Variants in NR2C2 observed in about 807,000 individuals in gnomAD.
The protein encoded by NR2C2 is nuclear receptor subfamily 2 group C member 2, also known as Nuclear hormone receptor TR4.
NR2C2 carries 6 observed loss-of-function variants against 62.9 expected under a neutral mutation model. That is an observed-to-expected ratio of 0.10 (90% CI 0.05 to 0.19). NR2C2 has a LOEUF of 0.19. Ranked by LOEUF, NR2C2 falls within the 10% of genes least tolerant of loss-of-function variation. NR2C2 has a pLI of 1.00. For synonymous variants in NR2C2, 272 were observed against 273.8 expected (o/e 0.99, Z 0.07); for missense variants, 479 against 762.7 (o/e 0.63, Z 4.38).
chr3:15,039,273 T>C (rs764600784), intron 13 of NR2C2, 46 bp downstream of exon 13: 17 of 1,280,746 alleles, frequency 1.3e-5, no homozygotes, highest in Non-Finnish European at 1.1e-6. Context: ...CTGCAAGGAG[T>C]GTGGCTGAGT....
At chr3:14,966,316 A>G (rs544829627) in intron 1 of NR2C2, among the ~76,000 whole-genome samples, 31 of 152,248 alleles carry the variant, frequency 2.0e-4, no homozygotes, top group Non-Finnish European at 4.1e-4. Context: ...GATAGGCTAC[A>G]CTAGTTGAAT....
At chr3:15,041,851 T>C (rs563004026) in intron 13 of NR2C2, among the ~76,000 whole-genome samples, 1 of 152,260 alleles carries the variant, frequency 6.6e-6, no homozygotes, top group African/African-American at 2.4e-5. Flanking sequence ...AGCAAGACAC[T>C]ATCTCAAAAA....
chr3:14,981,825 T>C (rs1398641375), intron 1 of NR2C2, among the ~76,000 whole-genome samples: 1 of 151,902 alleles, frequency 6.6e-6, no homozygotes, highest in African/African-American at 2.4e-5. Flanking sequence ...AAACTTGGAG[T>C]TCGATGTTCG....
At chr3:14,989,262 T>C (rs1266254464) in intron 1 of NR2C2, among the ~76,000 whole-genome samples, 2 of 152,188 alleles carry the variant, frequency 1.3e-5, no homozygotes, top group Admixed American at 6.5e-5. Context: ...GAAGTCATTC[T>C]GTGGACCTAT....
intron 1 of NR2C2, among the ~76,000 whole-genome samples, chr3:14,983,983 G>T (rs113587926): frequency 7.7e-4 from 117 of 152,238 alleles, no homozygotes; most frequent in Non-Finnish European, 9.3e-4. Context: ...CCACCTCCCG[G>T]GTTCAAGCAG....
chr3:15,024,829 C>T (rs771520951), intron 7 of NR2C2, among the ~76,000 whole-genome samples: 11 of 152,230 alleles, frequency 7.2e-5, no homozygotes, highest in Non-Finnish European at 1.3e-4. Flanking sequence ...AGCCACAACT[C>T]TAAGAGGGTG....
intron 9 of NR2C2, among the ~76,000 whole-genome samples, chr3:15,030,684 C>T (rs1028800185): frequency 2.6e-5 from 4 of 152,014 alleles, no homozygotes; most frequent in African/African-American, 9.7e-5. Context: ...AAAAATTAGT[C>T]GGGCATGGAG....
At chr3:15,022,972 G>A (rs1454799894) in intron 5 of NR2C2, among the ~76,000 whole-genome samples, 1 of 152,136 alleles carries the variant, frequency 6.6e-6, no homozygotes, top group Non-Finnish European at 1.5e-5. Context: ...GTTTTTTTTA[G>A]CAGGGAATAC....
At chr3:15,012,656 GTCT>G (rs1195798014) in intron 2 of NR2C2, among the ~76,000 whole-genome samples, 4 of 152,324 alleles carry the variant, frequency 2.6e-5, no homozygotes, top group African/African-American at 9.6e-5. Context: ...CAGCTCAAGA[GTCT>G]TCTTTGCAGT....
chr3:14,960,167 TAAAAG>T, intron 1 of NR2C2, among the ~76,000 whole-genome samples: 1 of 152,270 alleles, frequency 6.6e-6, no homozygotes, highest in African/African-American at 2.4e-5. Context: ...GTACAAACTG[TAAAAG>T]AAAATAGGGA....
At chr3:15,029,820 G>GATAT (rs2041924192) in intron 8 of NR2C2, among the ~76,000 whole-genome samples, 1 of 125,718 alleles carries the variant, frequency 8.0e-6, no homozygotes, top group Non-Finnish European at 1.7e-5. Flanking sequence ...TAGATAGATA[G>GATAT]ATAGATAGAT....
chr3:15,027,630 CTCTG>C (rs1477673896), intron 7 of NR2C2, among the ~76,000 whole-genome samples: 1 of 152,108 alleles, frequency 6.6e-6, no homozygotes, highest in Non-Finnish European at 1.5e-5. Flanking sequence ...CAGGGTCTCA[CTCTG>C]TCTGATAGGC....
At chr3:15,032,586 C>G in intron 10 of NR2C2, 86 bp downstream of exon 10, 1 of 1,515,300 alleles carries the variant, frequency 6.6e-7, no homozygotes. Context: ...GAGGGCCTGT[C>G]TAGTTTGACT....
chr3:15,038,317 C>T (rs2042160546), intron 12 of NR2C2, 180 bp downstream of exon 12: 2 of 547,870 alleles, frequency 3.7e-6, no homozygotes, highest in Non-Finnish European at 6.1e-6. Flanking sequence ...CTTGCCTTTA[C>T]AGCCCCAAAG....
Position 14,967,981 on chromosome 3 carries a change from A to ATCAGTTC in NR2C2, c.-40+20078_-40+20079insGTTCTCA, listed in dbSNP as rs556202832. ...TCCCTTCCTTACACCTTATACAAAA[A>ATCAGTTC]TCAATTCAAGATGGATTAAAGACTT... On this transcript the variant is annotated intron_variant, in intron 1 of 13. Transcript: ENST00000425241. Among the ~76,000 whole-genome samples the ATCAGTTC allele has an allele frequency of 5.7e-3, 864 of 152,272 alleles. 7 individuals carry two copies. Among genetic ancestry groups the ATCAGTTC allele is most frequent in the African/African-American group, 0.019 (779 of 41,554 alleles).
chr3:14,990,279 G>A (rs937892164), intron 1 of NR2C2, among the ~76,000 whole-genome samples: 9 of 152,204 alleles, frequency 5.9e-5, no homozygotes, highest in African/African-American at 2.2e-4. Context: ...TTGAGGAAAG[G>A]TGATCTTTAA....
intron 13 of NR2C2, among the ~76,000 whole-genome samples, chr3:15,041,709 TAGTC>T (rs577484444): frequency 1.2e-4 from 18 of 152,060 alleles, no homozygotes; most frequent in Admixed American, 2.6e-4. Flanking sequence ...AATGAAAAAT[TAGTC>T]AGGTGCGGTG....
chr3:14,994,692 C>T (rs935523008), intron 1 of NR2C2, among the ~76,000 whole-genome samples: 9 of 150,112 alleles, frequency 6.0e-5, no homozygotes, highest in African/African-American at 2.2e-4. Flanking sequence ...CCGCCAACCT[C>T]GGCCTCCCAA....
intron 2 of NR2C2, among the ~76,000 whole-genome samples, chr3:15,010,019 T>G (rs1208033192): frequency 1.3e-5 from 2 of 152,170 alleles, no homozygotes; most frequent in Non-Finnish European, 2.9e-5. Flanking sequence ...CTAATTACAT[T>G]TGCAAAGGCC....
Sources: gnomAD v4.1 joint callset for allele counts (sites outside exome capture counted in the v4.1 genomes callset) on GRCh38, gnomAD v4.1.1 for gene constraint, MANE v1.5 for transcripts, NCBI Gene and HGNC (gene_info 2026-07-23, HGNC 2026-07-21) for gene names.